Variants in PIKFYVE observed in about 807,000 individuals in gnomAD.
PIKFYVE encodes 1-phosphatidylinositol 3-phosphate 5-kinase.
Under a neutral mutation model 257.9 loss-of-function variants are expected in PIKFYVE, and 122 were observed. The ratio of observed to expected loss-of-function variants is 0.47; its 90% confidence interval spans 0.41 to 0.55. PIKFYVE has a LOEUF of 0.55. PIKFYVE is among the 20% of genes least tolerant of loss of function. PIKFYVE has a pLI of 0.00. For missense variants in PIKFYVE, 2,160 were observed against 2,536.6 expected, an observed-to-expected ratio of 0.85 and a Z score of 3.19; for synonymous variants, 892 against 868.9, an observed-to-expected ratio of 1.03 and a Z score of -0.47.
Position 208,350,939 on chromosome 2 carries a change from C to G in PIKFYVE, c.5603C>G (p.Ala1868Gly). ...GGCAAATCAGGAGCTGCCTTCTATG[C>G]AACTGAGGGTGAGCCTTTCTCATCG... is the stretch of plus-strand genomic sequence containing the variant. ...RGGKSGAAFYATEDDRFILKQ... is the reference protein window; with the variant it reads ...RGGKSGAAFYGTEDDRFILKQ... Residue 1868 changes from alanine to glycine, a missense_variant, in exon 37 of 42, where the codon GCA becomes GGA. Around this residue, in one of 12 missense-constraint regions of PIKFYVE, gnomAD observed 699 missense variants for 855.8 expected, o/e 0.82. Transcript: ENST00000264380. The G allele has an allele frequency of 6.2e-7, 1 of 1,614,114 alleles. No homozygotes were observed. Among genetic ancestry groups the G allele is most frequent in the Non-Finnish European group, 8.5e-7 (1 of 1,180,014 alleles).
In PIKFYVE at chr2:208,304,292, C is replaced by T. The variant is rs1464292414; in HGVS notation, c.1442C>T (p.Ala481Val). The T allele has an allele frequency of 6.2e-7, 1 of 1,614,144 alleles. No individual in the cohort carries two copies. ...GATGACAGTGACACAGAACAGATAGCTGAAGAAGGTGACGATAATTTGGCT... is the reference window on the plus strand; with the variant it reads ...GATGACAGTGACACAGAACAGATAGTTGAAGAAGGTGACGATAATTTGGCT... Reference protein sequence around the residue: ...KFDDSDTEQIAEEGDDNLANS... With the variant: ...KFDDSDTEQIVEEGDDNLANS... The change falls in exon 11 of 42, where the codon GCT (alanine) becomes GTT (valine). Residue 481 changes from alanine (A) to valine (V), a missense_variant. Coordinates refer to ENST00000264380, the MANE Select transcript of PIKFYVE (RefSeq NM_015040.4).
chr2:208,317,319 G>A (rs1574596396), intron 15 of PIKFYVE, among the ~76,000 whole-genome samples: 2 of 152,070 alleles, frequency 1.3e-5, no homozygotes, highest in South Asian at 2.1e-4. Flanking sequence ...AGTGGGCAAA[G>A]GATATGAACA....
In PIKFYVE at chr2:208,300,975, C is replaced by T. The variant is rs1185521119; in HGVS notation, c.1089C>T (p.Cys363=). 4 of 1,614,044 alleles carry T rather than the reference C, an allele frequency of 2.5e-6. No individual in the cohort carries two copies. The highest frequency in any genetic ancestry group is 3.3e-5 in the Admixed American group (2 of 60,010). Reference sequence around the variant, plus strand: ...TAAAAGACCTGTGGAAAAAAATCTGCCATCACAGCAGTGGAATGGAGTTTC... The same window carrying T: ...TAAAAGACCTGTGGAAAAAAATCTGTCATCACAGCAGTGGAATGGAGTTTC... ...VQLKDLWKKI[C]HHSSGMEFQD... Residue 363 remains cysteine, a synonymous_variant, in exon 9 of 42, where the codon TGC becomes TGT. Transcript: ENST00000264380.
chr2:208,321,603 G>A (rs1221436884), intron 17 of PIKFYVE, among the ~76,000 whole-genome samples: 1 of 136,492 alleles, frequency 7.3e-6, no homozygotes, highest in African/African-American at 2.7e-5. Context: ...TTGAGACGAA[G>A]TCTCGCTCTT....
intron 16 of PIKFYVE, among the ~76,000 whole-genome samples, chr2:208,318,250 G>C (rs938031447): frequency 2.0e-5 from 3 of 152,218 alleles, no homozygotes; most frequent in African/African-American, 7.2e-5. Flanking sequence ...TAGGGAGACA[G>C]GGTTTCTCTA....
rs147829096 is a variant in PIKFYVE, at chr2:208,330,121, C to T, written c.3791+208C>T. On this transcript the variant is annotated intron_variant, in intron 22 of 41. Coordinates refer to ENST00000264380, the MANE Select transcript of PIKFYVE (RefSeq NM_015040.4). ...ATCCAGAACATCCCTCATATCTCTG[C>T]CCATCTAATTACCCTACCATCAACA... is the stretch of plus-strand genomic sequence containing the variant. Among the ~76,000 whole-genome samples the T allele has an allele frequency of 3.9e-5, 6 of 152,232 alleles. No individual in the cohort carries two copies. In the East Asian group the frequency reaches 1.2e-3, roughly 29 times the overall value.
Position 208,326,198 on chromosome 2 carries a change from C to G in PIKFYVE, c.3387C>G (p.Pro1129=), listed in dbSNP as rs774510837. Residue 1129 remains proline, a synonymous_variant, in exon 20 of 42, where the codon CCC becomes CCG. Transcript: ENST00000264380. The part of the protein sequence containing the change: ...SIQAKSIQVL[P]SHELVSTRIA... Reference sequence around the variant, plus strand: ...AGGCCAAGTCTATTCAAGTCTTACCCTCACATGAGCTAGTGAGCACTAGAA... The same window carrying G: ...AGGCCAAGTCTATTCAAGTCTTACCGTCACATGAGCTAGTGAGCACTAGAA... The G allele has an allele frequency of 4.4e-6, 7 of 1,605,846 alleles. No individual in the cohort carries two copies. In the African/African-American group the frequency reaches 6.7e-5, roughly 15 times the overall value.
intron 12 of PIKFYVE, chr2:208,305,505 T>C (rs1694215072): frequency 1.1e-6 from 1 of 870,420 alleles, no homozygotes; most frequent in South Asian, 5.0e-5. Flanking sequence ...ATGCTTATTA[T>C]GTATATTCTA....
intron 7 of PIKFYVE, among the ~76,000 whole-genome samples, chr2:208,293,082 C>T (rs1039995944): frequency 2.9e-5 from 4 of 137,632 alleles, no homozygotes; most frequent in East Asian, 2.1e-4. Flanking sequence ...GAGTTACATT[C>T]TTTTTTTTTT....
Position 208,350,628 on chromosome 2 carries a change from A to G in PIKFYVE, c.5435-143A>G, listed in dbSNP as rs915966251. 1.7e-5 allele frequency: 14 copies of G among 808,922 alleles called. No homozygotes were observed. The Admixed American group carries it at 3.1e-4, about 18-fold the overall frequency. 50.1% of individuals were successfully genotyped at this position (808,922 alleles called of 1,614,324 possible). On this transcript the variant is annotated intron_variant, in intron 36 of 41. Coordinates refer to ENST00000264380, the MANE Select transcript of PIKFYVE (RefSeq NM_015040.4). Reference sequence around the variant, plus strand: ...TCAGTTTAACAAAATTGTGATAAATAGGGATTTGGATCTAACATGCAAAAT... The same window carrying G: ...TCAGTTTAACAAAATTGTGATAAATGGGGATTTGGATCTAACATGCAAAAT...
intron 3 of PIKFYVE, chr2:208,273,994 A>T: frequency 6.2e-7 from 1 of 1,607,478 alleles, no homozygotes; most frequent in South Asian, 1.1e-5. Context: ...CTATTTTTTG[A>T]TTAATTACTT....
chr2:208,335,979 A>G (rs1698101546), intron 26 of PIKFYVE, 67 bp from the exon 27 acceptor site: 4 of 1,596,272 alleles, frequency 2.5e-6, no homozygotes, highest in African/African-American at 1.3e-5. Flanking sequence ...AAAATTAATA[A>G]TAGCAGTTTC....
intron 34 of PIKFYVE, 103 bp from the exon 35 acceptor site, chr2:208,347,756 C>G (rs1699364840): frequency 6.2e-6 from 6 of 967,460 alleles, no homozygotes; most frequent in Non-Finnish European, 9.7e-6. Flanking sequence ...GATTGATTAG[C>G]TTCATATAGT....
chr2:208,354,238 A>G, intron 40 of PIKFYVE, 79 bp downstream of exon 40: 1 of 1,464,890 alleles, frequency 6.8e-7, no homozygotes, highest in Non-Finnish European at 9.3e-7. Context: ...AACCTGGTCT[A>G]ATAATAGCTT....
At chr2:208,335,205 C>A in intron 24 of PIKFYVE, 101 bp from the exon 25 acceptor site, 1 of 793,236 alleles carries the variant, frequency 1.3e-6, no homozygotes, top group Non-Finnish European at 2.1e-6. Context: ...GAAACTTTTC[C>A]TCTTATGCCT....
At chr2:208,351,921 C>T (rs1259902186) in intron 38 of PIKFYVE, among the ~76,000 whole-genome samples, 1 of 152,112 alleles carries the variant, frequency 6.6e-6, no homozygotes, top group Admixed American at 6.5e-5. Flanking sequence ...ATGAGATTTG[C>T]AGGGGCAAAC....
chr2:208,306,858 A>G (rs558324645), intron 12 of PIKFYVE, among the ~76,000 whole-genome samples: 1 of 151,304 alleles, frequency 6.6e-6, no homozygotes. Context: ...GCTCACTGCA[A>G]CCTCCGCCTC....
At chr2:208,310,582 C>G (rs996640267) in intron 12 of PIKFYVE, among the ~76,000 whole-genome samples, 3 of 152,032 alleles carry the variant, frequency 2.0e-5, no homozygotes, top group Admixed American at 6.6e-5. Flanking sequence ...TCACGGCTTC[C>G]GTAAATCTCT....
chr2:208,275,702 C>T (rs1690015554), intron 3 of PIKFYVE, among the ~76,000 whole-genome samples: 1 of 151,672 alleles, frequency 6.6e-6, no homozygotes. Context: ...CTTTTTTTTC[C>T]CTCCCAGCCA....
Sources: allele counts gnomAD v4.1 joint callset (sites outside exome capture counted in the v4.1 genomes callset), GRCh38; gene constraint gnomAD v4.1.1; regional missense constraint gnomAD v4.1.1; transcripts MANE v1.5; gene names NCBI Gene and HGNC (gene_info 2026-07-23, HGNC 2026-07-21).